Variants in ABHD6 observed in about 807,000 individuals in gnomAD.
The protein encoded by ABHD6 is abhydrolase domain containing 6, acylglycerol lipase.
ABHD6 carries 33 observed loss-of-function variants against 38.8 expected under a neutral mutation model. The ratio of observed to expected loss-of-function variants is 0.85; its 90% confidence interval spans 0.64 to 1.14. The LOEUF (loss-of-function observed/expected upper bound fraction) is 1.14. Among genes scored for constraint, ABHD6 ranks in the 50% most tolerant of loss-of-function variants. The probability of loss-of-function intolerance (pLI) is 0.00; values close to 1 mark genes in which losing one functional copy is unlikely to be tolerated. For synonymous variants in ABHD6, 147 were observed against 161.6 expected (o/e 0.91, Z 0.69); for missense variants, 380 against 422.6 (o/e 0.90, Z 0.88).
At chr3:58,240,042 C>T (rs2097421701) in intron 1 of ABHD6, among the ~76,000 whole-genome samples, 1 of 151,284 alleles carries the variant, frequency 6.6e-6, no homozygotes, top group African/African-American at 2.4e-5. Context: ...GTCCCGGCTA[C>T]TTGGGAGGCT....
In ABHD6 at chr3:58,261,865, C is replaced by G. The variant is rs969470257; in HGVS notation, c.119+5160C>G. On this transcript the variant is annotated intron_variant, in intron 3 of 9. Coordinates refer to ENST00000478253, the MANE Select transcript of ABHD6 (RefSeq NM_001320126.2). ...TATGAGTGTAAATCCCAAAGAATTG[C>G]AAGCAGGGTCTCAATGTGTGCACCA... 3.9e-5 allele frequency among the ~76,000 whole-genome samples: 6 copies of G among 152,260 alleles called. No individual in the cohort carries two copies. The South Asian group carries it at 1.2e-3, about 32-fold the overall frequency.
chr3:58,290,112 C>T (rs1307161766), intron 9 of ABHD6, among the ~76,000 whole-genome samples: 14 of 118,270 alleles, frequency 1.2e-4, no homozygotes, highest in Non-Finnish European at 1.6e-4. Flanking sequence ...CCAGTAGGGG[C>T]GGCCGGGCAG....
intron 1 of ABHD6, among the ~76,000 whole-genome samples, chr3:58,245,645 G>T (rs912674849): frequency 6.6e-6 from 1 of 152,210 alleles, no homozygotes; most frequent in East Asian, 2.0e-4. Flanking sequence ...CGGGTATGAT[G>T]GTGCACACCT....
rs1360067148 is a variant in ABHD6, at chr3:58,266,513, A to G, written c.120-676A>G. 6.6e-6 allele frequency among the ~76,000 whole-genome samples: 1 copy of G among 152,154 alleles called. No individual in the cohort carries two copies. Among genetic ancestry groups the G allele is most frequent in the African/African-American group, 2.4e-5 (1 of 41,444 alleles). ...TCTCACATTTTTTGTATGCGGATAA[A>G]AGTAAATGAATATATATCTTCTCTC... On this transcript the variant is annotated intron_variant, in intron 3 of 9. Coordinates refer to ENST00000478253, the MANE Select transcript of ABHD6 (RefSeq NM_001320126.2). This position sits in a 1 kb window ranked among gnomAD's most constrained non-coding sequence, Gnocchi z 4.0.
At position 58,267,295 on chromosome 3, in the gene ABHD6, A is replaced by C. The variant is rs765728629; in HGVS notation, c.226A>C (p.Met76Leu). Reference protein sequence around the residue: ...GRPGHKPSILMLHGFSAHKDM... With the variant: ...GRPGHKPSILLLHGFSAHKDM... ...GCCTGGGCACAAACCCTCCATCCTC[A>C]TGCTCCACGGATTCTCTGCCCACAA... The change falls in exon 4 of 10, where the codon ATG becomes CTG. Residue 76 changes from methionine (M) to leucine (L), a missense_variant. Physicochemically the swap from Met to Leu is conservative, Grantham distance 15. Coordinates refer to ENST00000478253, the MANE Select transcript of ABHD6 (RefSeq NM_001320126.2). This position sits in a 1 kb window ranked among gnomAD's most constrained non-coding sequence, Gnocchi z 4.3. 15 of 1,614,090 alleles carry C rather than the reference A, an allele frequency of 9.3e-6. No homozygotes were observed. The highest frequency in any genetic ancestry group is 1.3e-5 in the African/African-American group (1 of 75,010).
intron 2 of ABHD6, among the ~76,000 whole-genome samples, chr3:58,253,292 A>C (rs1334150166): frequency 6.6e-6 from 1 of 152,138 alleles, no homozygotes; most frequent in Non-Finnish European, 1.5e-5. Flanking sequence ...CCTGCTGCTC[A>C]GTAATCTGAA....
At chr3:58,241,406 C>A (rs942566129) in intron 1 of ABHD6, among the ~76,000 whole-genome samples, 1 of 152,170 alleles carries the variant, frequency 6.6e-6, no homozygotes. Context: ...TTCTGTGCGG[C>A]TCTCTGGTGC....
intron 3 of ABHD6, among the ~76,000 whole-genome samples, chr3:58,260,923 G>A (rs1313055743): frequency 6.6e-6 from 1 of 152,174 alleles, no homozygotes; most frequent in African/African-American, 2.4e-5. Flanking sequence ...CTCTCTCTGG[G>A]TCTAAGTGTC....
chr3:58,280,881 A>G (rs2097452614), intron 7 of ABHD6, among the ~76,000 whole-genome samples: 1 of 152,160 alleles, frequency 6.6e-6, no homozygotes, highest in African/African-American at 2.4e-5. Flanking sequence ...AGTTTGCTGG[A>G]GGTCCGCTCC....
In ABHD6 at chr3:58,287,258, T is replaced by C. The variant is rs2107476536; in HGVS notation, c.837+1805T>C. ...GTGATTGCTTCACTGCACACCAGCC[T>C]GGGCCACAGGGCGGGATCCTATCTC... On this transcript the variant is annotated intron_variant, in intron 9 of 9. Coordinates refer to ENST00000478253, the MANE Select transcript of ABHD6 (RefSeq NM_001320126.2). This position sits in a 1 kb window ranked among gnomAD's most constrained non-coding sequence, Gnocchi z 4.7. 6.6e-6 allele frequency among the ~76,000 whole-genome samples: 1 copy of C among 152,248 alleles called. No homozygotes were observed. The highest frequency in any genetic ancestry group is 2.1e-4 in the South Asian group (1 of 4,824).
chr3:58,244,265 G>A (rs974462675), intron 1 of ABHD6, among the ~76,000 whole-genome samples: 1 of 152,178 alleles, frequency 6.6e-6, no homozygotes, highest in African/African-American at 2.4e-5. Flanking sequence ...TGTGAGATCT[G>A]CCAACAATTG....
Position 58,293,538 on chromosome 3 carries a change from G to A in ABHD6, c.838-51G>A, listed in dbSNP as rs367576687. 1.0e-5 allele frequency: 16 copies of A among 1,596,940 alleles called. No individual in the cohort carries two copies. Among genetic ancestry groups the A allele is most frequent in the Admixed American group, 1.7e-5 (1 of 59,116 alleles). ...GAAGTTCTGTCCACAGAGTGCACAC[G>A]TGGGTGTCTGAATCTTTGTGTATCA... On this transcript the variant is annotated intron_variant, in intron 9 of 9. Coordinates refer to ENST00000478253, the MANE Select transcript of ABHD6 (RefSeq NM_001320126.2). The surrounding 1 kb of genome is among the most constrained non-coding windows in gnomAD (Gnocchi z 4.4).
chr3:58,267,396 G>A lies in ABHD6; in HGVS notation c.276+51G>A. The A allele has an allele frequency of 6.2e-7, 1 of 1,604,502 alleles. No homozygotes were observed. The highest frequency in any genetic ancestry group is 8.5e-7 in the Non-Finnish European group (1 of 1,174,518). Reference sequence around the variant, plus strand: ...ATAAGAAAAGGGAGTTGGGTGCTGTGGCTCATGCCTATAATCCCAGCACTT... The same window carrying A: ...ATAAGAAAAGGGAGTTGGGTGCTGTAGCTCATGCCTATAATCCCAGCACTT... On this transcript the variant is annotated intron_variant, in intron 4 of 9. Coordinates refer to ENST00000478253, the MANE Select transcript of ABHD6 (RefSeq NM_001320126.2). This position sits in a 1 kb window ranked among gnomAD's most constrained non-coding sequence, Gnocchi z 4.3.
chr3:58,270,503 C>CAAA (rs768619665), intron 5 of ABHD6, among the ~76,000 whole-genome samples: 41 of 60,552 alleles, frequency 6.8e-4, no homozygotes, highest in South Asian at 5.1e-3. Flanking sequence ...CTCATCTCTA[C>CAAA]AAAAAAAAAA....
In ABHD6 at chr3:58,265,422, C is replaced by G. The variant is rs1407049087; in HGVS notation, c.120-1767C>G. Reference sequence around the variant, plus strand: ...GTCATATTCATTGCAAATATTTCCCCTAATTTTTCCTTTTAATTTTTGGCA... The same window carrying G: ...GTCATATTCATTGCAAATATTTCCCGTAATTTTTCCTTTTAATTTTTGGCA... On this transcript the variant is annotated intron_variant, in intron 3 of 9. Coordinates refer to ENST00000478253, the MANE Select transcript of ABHD6 (RefSeq NM_001320126.2). The surrounding 1 kb of genome is among the most constrained non-coding windows in gnomAD (Gnocchi z 4.2). Among the ~76,000 whole-genome samples, 2 of 152,064 alleles carry G rather than the reference C, an allele frequency of 1.3e-5. No individual in the cohort carries two copies. The highest frequency in any genetic ancestry group is 1.3e-4 in the Admixed American group (2 of 15,264).
intron 7 of ABHD6, among the ~76,000 whole-genome samples, chr3:58,277,290 T>C (rs926615281): frequency 6.6e-6 from 1 of 152,226 alleles, no homozygotes; most frequent in Admixed American, 6.5e-5. Context: ...TTTTATTTCG[T>C]TGAGCAGTGG....
At chr3:58,280,954 C>G (rs914344907) in intron 7 of ABHD6, among the ~76,000 whole-genome samples, 7 of 152,128 alleles carry the variant, frequency 4.6e-5, no homozygotes, top group African/African-American at 1.7e-4. Context: ...GCTGCCTGAT[C>G]CTTCCTCTGG....
intron 7 of ABHD6, among the ~76,000 whole-genome samples, chr3:58,280,569 T>C (rs1452986269): frequency 6.6e-6 from 1 of 152,262 alleles, no homozygotes; most frequent in Non-Finnish European, 1.5e-5. Context: ...TTGTTATTAC[T>C]GACCTTCTGA....
intron 9 of ABHD6, among the ~76,000 whole-genome samples, chr3:58,289,241 T>A (rs908271292): frequency 2.6e-5 from 4 of 151,948 alleles, no homozygotes; most frequent in African/African-American, 9.7e-5. Context: ...TTTTTTATTT[T>A]TTTATTTTTT....
Sources: allele counts gnomAD v4.1 joint callset (sites outside exome capture counted in the v4.1 genomes callset), GRCh38; gene constraint gnomAD v4.1.1; non-coding constraint Gnocchi (gnomAD v3.1); transcripts MANE v1.5; gene names NCBI Gene and HGNC (gene_info 2026-07-23, HGNC 2026-07-21).